The following AVEN variants were observed in gnomAD, a reference collection of about 807,000 sequenced individuals.
AVEN encodes apoptosis and caspase activation inhibitor, also known as cell death regulator Aven.
Under a neutral mutation model 38.1 loss-of-function variants are expected in AVEN, and 41 were observed. The ratio of observed to expected loss-of-function variants is 1.08; its 90% CI spans 0.84 to 1.40. The LOEUF (loss-of-function observed/expected upper bound fraction) is 1.40. AVEN is among the 40% of genes most tolerant of loss of function. AVEN has a pLI of 0.00. For missense variants in AVEN, 605 were observed against 438.8 expected (o/e 1.38, Z -3.38); for synonymous variants, 206 against 171.8 (o/e 1.20, Z -1.56).
intron 2 of AVEN, among the ~76,000 whole-genome samples, chr15:33,900,329 A>G (rs1892441421): frequency 6.7e-6 from 1 of 148,762 alleles, no homozygotes; most frequent in African/African-American, 2.5e-5. Flanking sequence ...TTTTTTTGAG[A>G]CAAAGTTATT....
chr15:33,865,294 A>G (rs1212376018), downstream of AVEN: 12 of 1,094,476 alleles, frequency 1.1e-5, no homozygotes, highest in Non-Finnish European at 1.6e-5. Context: ...CCCTTTTTAC[A>G]GTTCTGCAAC....
At chr15:33,865,818 T>C (rs546877531), downstream of AVEN, 2 of 153,028 alleles carry the variant, frequency 1.3e-5, no homozygotes, top group South Asian at 4.1e-4. Context: ...TTTTTATGTT[T>C]GTGTTCCAGA....
At chr15:34,055,395 C>T (rs1488640187) in intron 5 of AVEN, among the ~76,000 whole-genome samples, 2 of 152,058 alleles carry the variant, frequency 1.3e-5, no homozygotes, top group Non-Finnish European at 2.9e-5. Flanking sequence ...GTCCCAGCTA[C>T]TCAGGAGGCT....
chr15:33,859,775 G>C, intron 11 of AVEN: 5 of 1,550,734 alleles, frequency 3.2e-6, no homozygotes, highest in Non-Finnish European at 4.4e-6. Flanking sequence ...GTTTAATCTA[G>C]TTCTTTTTGC....
At position 33,975,486 on chromosome 15, in the gene AVEN, C is replaced by T. The variant is rs75407393; in HGVS notation, c.445+27546G>A. Among the ~76,000 whole-genome samples, 830 of 152,228 alleles carry T rather than the reference C, an allele frequency of 5.5e-3. 8 individuals are homozygous for T. Among genetic ancestry groups the T allele is most frequent in the South Asian group, 0.027 (128 of 4,818 alleles). On this transcript the variant is annotated intron_variant, in intron 2 of 5. Transcript: ENST00000306730. ...GTTGATTTTAAAAAGGACTAAACAT[C>T]TATAATTTGGGTTGGAATATTCCAG...
At chr15:33,859,690 T>A in intron 11 of AVEN, 1 of 1,613,438 alleles carries the variant, frequency 6.2e-7, no homozygotes, top group Non-Finnish European at 8.5e-7. Flanking sequence ...GACATTACCT[T>A]TTTCTTCTTC....
At chr15:33,990,339 G>C (rs541348821) in intron 2 of AVEN, among the ~76,000 whole-genome samples, 1 of 151,986 alleles carries the variant, frequency 6.6e-6, no homozygotes, top group South Asian at 2.1e-4. Flanking sequence ...CCGAGATCAC[G>C]CCACTGCCCT....
intron 11 of AVEN, among the ~76,000 whole-genome samples, chr15:33,859,352 A>C (rs80055412): frequency 1.3e-5 from 2 of 152,240 alleles, no homozygotes; most frequent in Non-Finnish European, 2.9e-5. Flanking sequence ...ATACCTTTTA[A>C]AAGCCTAAAT....
intron 2 of AVEN, among the ~76,000 whole-genome samples, chr15:33,919,224 A>G (rs533004568): frequency 6.6e-6 from 1 of 152,276 alleles, no homozygotes; most frequent in Admixed American, 6.5e-5. Context: ...TAAGAAAAAA[A>G]TCCATACTAA....
At chr15:33,864,315 A>C, downstream of AVEN, 1 of 721,894 alleles carries the variant, frequency 1.4e-6, no homozygotes, top group East Asian at 2.8e-5. Context: ...TTTTCCCATC[A>C]CCTTTTTGTG....
chr15:33,949,728 T>C (rs1894660504), intron 2 of AVEN, among the ~76,000 whole-genome samples: 1 of 152,188 alleles, frequency 6.6e-6, no homozygotes, highest in South Asian at 2.1e-4. Flanking sequence ...TTTAATGATA[T>C]GTAAATTATA....
At chr15:34,071,373 A>G (rs950727555) in intron 1 of AVEN, among the ~76,000 whole-genome samples, 20 of 152,172 alleles carry the variant, frequency 1.3e-4, no homozygotes, top group African/African-American at 4.8e-4. Flanking sequence ...TCCCAGGCTC[A>G]AGTGATACTT....
Position 33,998,786 on chromosome 15 carries a change from C to A in AVEN, c.445+4246G>T, listed in dbSNP as rs151073448. On this transcript the variant is annotated intron_variant, in intron 2 of 5. Coordinates refer to ENST00000306730, the MANE Select transcript of AVEN (RefSeq NM_020371.3). ...TACACTCTCTGGTTCTTTCTTCTACCACTCATGCTCAGTCTCCTTTGCTGG... is the reference window on the plus strand; with the variant it reads ...TACACTCTCTGGTTCTTTCTTCTACAACTCATGCTCAGTCTCCTTTGCTGG... Among the ~76,000 whole-genome samples, 83 of 152,266 alleles carry A rather than the reference C, an allele frequency of 5.5e-4. 1 individual carries two copies. The highest frequency in any genetic ancestry group is 1.1e-3 in the Non-Finnish European group (75 of 68,012).
intron 2 of AVEN, among the ~76,000 whole-genome samples, chr15:33,917,595 A>C (rs574669070): frequency 6.6e-6 from 1 of 151,948 alleles, no homozygotes; most frequent in African/African-American, 2.4e-5. Flanking sequence ...AATACTACAT[A>C]TATATACACA....
intron 2 of AVEN, among the ~76,000 whole-genome samples, chr15:33,937,319 G>T (rs1894113586): frequency 2.0e-5 from 3 of 151,428 alleles, no homozygotes; most frequent in Admixed American, 6.6e-5. Flanking sequence ...CGGATCATGA[G>T]GTCAGGAGAT....
chr15:33,949,143 C>T (rs1894625544), intron 2 of AVEN, among the ~76,000 whole-genome samples: 1 of 152,188 alleles, frequency 6.6e-6, no homozygotes, highest in Admixed American at 6.5e-5. Context: ...CCTGCCTCAG[C>T]CTCCCGAGTA....
chr15:33,923,644 G>T (rs950002658), intron 2 of AVEN, among the ~76,000 whole-genome samples: 5 of 152,106 alleles, frequency 3.3e-5, no homozygotes, highest in Non-Finnish European at 5.9e-5. Context: ...AGTTGGCAAT[G>T]AGCCATATTT....
intron 2 of AVEN, among the ~76,000 whole-genome samples, chr15:33,879,453 A>G (rs1674278664): frequency 6.6e-6 from 1 of 150,868 alleles, no homozygotes; most frequent in Non-Finnish European, 1.5e-5. Context: ...TCTAATGCTA[A>G]ATGACGAGTT....
Position 33,965,944 on chromosome 15 carries a change from A to G in AVEN, c.445+37088T>C, listed in dbSNP as rs1237347359. ...CAGCTTTTTATTAAAAAAAAAGAACAACATCAGGAATACCAAGAGCAAAGT... is the reference window on the plus strand; with the variant it reads ...CAGCTTTTTATTAAAAAAAAAGAACGACATCAGGAATACCAAGAGCAAAGT... On this transcript the variant is annotated intron_variant, in intron 2 of 5. Transcript: ENST00000306730. Among the ~76,000 whole-genome samples, 10 of 152,254 alleles carry G rather than the reference A, an allele frequency of 6.6e-5. No homozygotes were observed. The East Asian group carries it at 1.9e-3, about 29-fold the overall frequency.
Sources: gnomAD v4.1 joint callset for allele counts (sites outside exome capture counted in the v4.1 genomes callset) on GRCh38, gnomAD v4.1.1 for gene constraint, MANE v1.5 for transcripts, NCBI Gene and HGNC (gene_info 2026-07-23, HGNC 2026-07-21) for gene names.